The following CLNK variants were observed in gnomAD, a reference collection of about 807,000 sequenced individuals.
CLNK encodes cytokine dependent hematopoietic cell linker.
CLNK carries 74 observed loss-of-function variants against 68.6 expected under a neutral mutation model. That is an observed-to-expected ratio of 1.08 (90% CI 0.89 to 1.31). CLNK has a LOEUF of 1.31. Among genes scored for constraint, CLNK ranks in the 50% most tolerant of loss-of-function variants. The probability of loss-of-function intolerance (pLI) is 0.00; values close to 1 mark genes in which losing one functional copy is unlikely to be tolerated. For synonymous variants in CLNK, 198 were observed against 172.2 expected, an observed-to-expected ratio of 1.15 and a Z score of -1.17; for missense variants, 553 against 515.3, an observed-to-expected ratio of 1.07 and a Z score of -0.71.
At position 10,625,409 on chromosome 4, in the gene CLNK, C is replaced by T. The variant is rs73100275; in HGVS notation, c.12-27360G>A. ...CACTGCCTCTGCCCTGAGCTTGGCC[C>T]TTCTGGGCTTGTTGCTCTCTTTCCA... is the stretch of plus-strand genomic sequence containing the variant. On this transcript the variant is annotated intron_variant, in intron 2 of 18. Transcript: ENST00000226951. 8.6e-3 allele frequency among the ~76,000 whole-genome samples: 1,317 copies of T among 152,328 alleles called. 19 individuals are homozygous for T. The highest frequency in any genetic ancestry group is 0.029 in the African/African-American group (1,189 of 41,566).
the CLNK span, chr4:10,697,154 A>C: frequency 6.6e-6 from 1 of 152,188 alleles, no homozygotes; most frequent in Non-Finnish European, 1.5e-5. Flanking sequence ...TGATTGCAAA[A>C]TAAATATTAA....
At chr4:10,638,179 C>A (rs1414238541) in intron 2 of CLNK, among the ~76,000 whole-genome samples, 1 of 152,190 alleles carries the variant, frequency 6.6e-6, no homozygotes, top group Non-Finnish European at 1.5e-5. Flanking sequence ...AGAACACCGA[C>A]TGCAGAGAGA....
At chr4:10,577,023 A>T (rs1230619644) in intron 4 of CLNK, among the ~76,000 whole-genome samples, 1 of 152,218 alleles carries the variant, frequency 6.6e-6, no homozygotes, top group Non-Finnish European at 1.5e-5. Flanking sequence ...TCACATTCAA[A>T]GGAAATCCTG....
intron 8 of CLNK, among the ~76,000 whole-genome samples, chr4:10,552,342 G>A (rs564003436): frequency 6.6e-6 from 1 of 152,132 alleles, no homozygotes; most frequent in African/African-American, 2.4e-5. Flanking sequence ...AGGCTGGGGG[G>A]ACAAGAACAG....
the CLNK span, among the ~76,000 whole-genome samples, chr4:10,698,166 G>A: frequency 6.6e-6 from 1 of 152,174 alleles, no homozygotes; most frequent in South Asian, 2.1e-4. Context: ...TCATGTGTCT[G>A]TAAATTGGAA....
intron 8 of CLNK, among the ~76,000 whole-genome samples, chr4:10,556,233 A>T (rs575835522): frequency 6.6e-6 from 1 of 152,336 alleles, no homozygotes; most frequent in African/African-American, 2.4e-5. Flanking sequence ...TGTAATGGGA[A>T]ATTCATACCA....
intron 8 of CLNK, among the ~76,000 whole-genome samples, chr4:10,548,681 C>T (rs1719331426): frequency 6.6e-6 from 1 of 152,178 alleles, no homozygotes; most frequent in Non-Finnish European, 1.5e-5. Context: ...GATTTCCTTG[C>T]ATGGTGTGAG....
intron 2 of CLNK, among the ~76,000 whole-genome samples, chr4:10,612,035 T>G (rs1194181346): frequency 6.6e-6 from 1 of 152,228 alleles, no homozygotes; most frequent in Non-Finnish European, 1.5e-5. Flanking sequence ...TCACAGCCAG[T>G]ATTCCCACAA....
chr4:10,558,899 G>T (rs73228207), intron 7 of CLNK, among the ~76,000 whole-genome samples: 2 of 151,984 alleles, frequency 1.3e-5, no homozygotes, highest in Non-Finnish European at 2.9e-5. Flanking sequence ...CCTCCAGCTC[G>T]TGCTGACTGT....
chr4:10,566,194 T>C, intron 5 of CLNK, 44 bp from the exon 6 acceptor site: 1 of 1,603,524 alleles, frequency 6.2e-7, no homozygotes, highest in Non-Finnish European at 8.5e-7. Context: ...GAAGGTACAA[T>C]GTTGACAAAG....
intron 2 of CLNK, among the ~76,000 whole-genome samples, chr4:10,603,507 C>A (rs1367676895): frequency 6.6e-6 from 1 of 152,136 alleles, no homozygotes; most frequent in African/African-American, 2.4e-5. Flanking sequence ...CAGGAACTGC[C>A]GCAGGTTGGG....
At chr4:10,556,344 T>C (rs548975519) in intron 8 of CLNK, among the ~76,000 whole-genome samples, 1 of 152,342 alleles carries the variant, frequency 6.6e-6, no homozygotes, top group South Asian at 2.1e-4. Flanking sequence ...CTAAGGATCT[T>C]ACATTTTATC....
intron 15 of CLNK, among the ~76,000 whole-genome samples, chr4:10,514,926 C>A (rs981968144): frequency 1.3e-5 from 2 of 152,140 alleles, no homozygotes; most frequent in African/African-American, 4.8e-5. Context: ...CAAACAATCC[C>A]AGAGTCATCT....
intron 8 of CLNK, among the ~76,000 whole-genome samples, chr4:10,554,247 C>T (rs1436973431): frequency 6.6e-6 from 1 of 152,128 alleles, no homozygotes; most frequent in Non-Finnish European, 1.5e-5. Flanking sequence ...AGAAAAAGTG[C>T]TTTTCATTAT....
intron 8 of CLNK, among the ~76,000 whole-genome samples, chr4:10,545,224 G>A (rs1719179219): frequency 3.3e-5 from 5 of 152,110 alleles, no homozygotes; most frequent in Admixed American, 3.3e-4. Context: ...AGTCTCCTCT[G>A]TGAGCCTGTG....
the CLNK span, among the ~76,000 whole-genome samples, chr4:10,716,759 T>G: frequency 1.3e-5 from 2 of 149,814 alleles, no homozygotes; most frequent in Admixed American, 6.7e-5. Context: ...AATGGTGTGA[T>G]CTCGGCTCAC....
At chr4:10,728,834 C>T in the CLNK span, among the ~76,000 whole-genome samples, 5 of 152,032 alleles carry the variant, frequency 3.3e-5, no homozygotes, top group Admixed American at 1.3e-4. Context: ...CTCCTGATCT[C>T]GTGATCTGCC....
the CLNK span, among the ~76,000 whole-genome samples, chr4:10,692,514 G>T: frequency 5.9e-5 from 9 of 152,156 alleles, no homozygotes; most frequent in Non-Finnish European, 1.2e-4. Flanking sequence ...CTCCCTAATG[G>T]TCAGATCCAC....
intron 15 of CLNK, among the ~76,000 whole-genome samples, chr4:10,519,377 C>A (rs1184196653): frequency 6.6e-6 from 1 of 152,106 alleles, no homozygotes; most frequent in African/African-American, 2.4e-5. Context: ...ATTCTGCTTC[C>A]CCATCCCTGC....
Sources: allele counts gnomAD v4.1 joint callset (sites outside exome capture counted in the v4.1 genomes callset), GRCh38; gene constraint gnomAD v4.1.1; transcripts MANE v1.5; gene names NCBI Gene and HGNC (gene_info 2026-07-23, HGNC 2026-07-21).